The following CDH13 variants were observed in gnomAD, a reference collection of about 807,000 sequenced individuals.
The protein encoded by CDH13 is cadherin-13.
In CDH13, 24 loss-of-function variants were observed where a neutral mutation model predicts 63.8. The ratio of observed to expected loss-of-function variants is 0.38; its 90% CI spans 0.27 to 0.53. CDH13 has a LOEUF of 0.53. CDH13 is among the 20% of genes least tolerant of loss of function. The pLI, the probability that CDH13 is intolerant of heterozygous loss-of-function variation, is 0.85. For synonymous variants in CDH13, 503 were observed against 355.3 expected (o/e 1.42, Z -4.67); for missense variants, 1,049 against 903.1 (o/e 1.16, Z -2.07).
At chr16:82,923,429 C>T (rs2042216908) in intron 2 of CDH13, among the ~76,000 whole-genome samples, 1 of 152,158 alleles carries the variant, frequency 6.6e-6, no homozygotes, top group Non-Finnish European at 1.5e-5. Flanking sequence ...TAAAGCCAGA[C>T]AAGAACATTT....
chr16:83,573,799 C>G (rs145342765), intron 7 of CDH13, among the ~76,000 whole-genome samples: 197 of 152,290 alleles, frequency 1.3e-3, no homozygotes, highest in Non-Finnish European at 1.6e-3. Context: ...AGTTCTCTGT[C>G]AAATCACTAC....
At chr16:83,423,433 A>G (rs750584743) in intron 6 of CDH13, among the ~76,000 whole-genome samples, 8 of 152,162 alleles carry the variant, frequency 5.3e-5, no homozygotes, top group Non-Finnish European at 8.8e-5. Context: ...AGGAAATTCC[A>G]GGAATCCTTG....
At chr16:83,499,966 C>G (rs1206925423) in intron 7 of CDH13, among the ~76,000 whole-genome samples, 1 of 152,122 alleles carries the variant, frequency 6.6e-6, no homozygotes, top group Non-Finnish European at 1.5e-5. Flanking sequence ...CCACGCGCAG[C>G]TAATTTTTGT....
rs150464029 is a variant in CDH13 at position 83,078,877 on chromosome 16, C to T, written c.367-46508C>T. ...TGGCGAGATCTTGGCTCACTGCAAC[C>T]TCCGCCTCCCAGGTTCCAGCAATTC... is the stretch of plus-strand genomic sequence containing the variant. On this transcript the variant is annotated intron_variant, in intron 3 of 13. Transcript: ENST00000567109. Among the ~76,000 whole-genome samples, 718 of 152,284 alleles carry T rather than the reference C, an allele frequency of 4.7e-3. 3 individuals carry two copies. The highest frequency in any genetic ancestry group is 0.016 in the African/African-American group (658 of 41,554).
chr16:83,723,692 TA>T (rs1476498867), intron 10 of CDH13, among the ~76,000 whole-genome samples: 1 of 152,240 alleles, frequency 6.6e-6, no homozygotes, highest in Non-Finnish European at 1.5e-5. Context: ...TATTGTGTGT[TA>T]ACTATTTTTA....
intron 2 of CDH13, among the ~76,000 whole-genome samples, chr16:82,932,904 G>GT (rs2042544713): frequency 6.6e-6 from 1 of 152,192 alleles, no homozygotes; most frequent in Non-Finnish European, 1.5e-5. Context: ...AGAGAATGAA[G>GT]TTTACTAGTA....
chr16:83,374,099 G>A (rs1053334212), intron 6 of CDH13, among the ~76,000 whole-genome samples: 3 of 152,186 alleles, frequency 2.0e-5, no homozygotes, highest in African/African-American at 7.2e-5. Context: ...CGCAAAGAGT[G>A]CAAACTTTCT....
chr16:83,016,678 C>T (rs1301633482), intron 2 of CDH13, among the ~76,000 whole-genome samples: 1 of 152,048 alleles, frequency 6.6e-6, no homozygotes, highest in East Asian at 1.9e-4. Context: ...GTTCTTGAGC[C>T]CCTAAACACT....
At position 83,313,672 on chromosome 16, in the gene CDH13, GT is replaced by G. The variant is rs912779218; in HGVS notation, c.637-31189del. Among the ~76,000 whole-genome samples the G allele has an allele frequency of 9.1e-4, 137 of 149,728 alleles. 2 individuals are homozygous for G. Among genetic ancestry groups the G allele is most frequent in the African/African-American group, 3.0e-3 (124 of 40,750 alleles). On this transcript the variant is annotated intron_variant, in intron 5 of 13. Coordinates refer to ENST00000567109, the MANE Select transcript of CDH13 (RefSeq NM_001257.5). ...AAAAAAAAAAAAAAAAAAAAGGGAG[GT>G]CCTTGGTATTACCAATTTAAAATGT...
At chr16:82,673,680 G>A (rs553791063) in intron 1 of CDH13, among the ~76,000 whole-genome samples, 1 of 152,354 alleles carries the variant, frequency 6.6e-6, no homozygotes, top group East Asian at 1.9e-4. Context: ...AACCTATGTT[G>A]AGAAATCGAG....
intron 3 of CDH13, among the ~76,000 whole-genome samples, chr16:83,033,189 C>T (rs914967693): frequency 6.6e-6 from 1 of 152,144 alleles, no homozygotes; most frequent in African/African-American, 2.4e-5. Flanking sequence ...AGCTAACCTG[C>T]CCAACCTACT....
chr16:83,472,247 CTG>C lies in CDH13; in HGVS notation c.782-14228_782-14227del, dbSNP rs142704821. Among the ~76,000 whole-genome samples the C allele has an allele frequency of 1.8e-3, 281 of 152,344 alleles. 6 individuals carry two copies. In the East Asian group the frequency reaches 0.034, roughly 18 times the overall value. ...AGAGCTGGGACTGAAACTGGGGACT[CTG>C]TCTCCTGTGGGCATGCTGCTAACCC... On this transcript the variant is annotated intron_variant, in intron 6 of 13. Coordinates refer to ENST00000567109, the MANE Select transcript of CDH13 (RefSeq NM_001257.5).
At chr16:82,971,793 C>T (rs954206489) in intron 2 of CDH13, among the ~76,000 whole-genome samples, 5 of 152,194 alleles carry the variant, frequency 3.3e-5, no homozygotes, top group Admixed American at 6.5e-5. Context: ...CCTTAACTGC[C>T]TGTGCCCCTT....
chr16:83,033,849 C>A (rs1260107899), intron 3 of CDH13, among the ~76,000 whole-genome samples: 1 of 152,202 alleles, frequency 6.6e-6, no homozygotes, highest in African/African-American at 2.4e-5. Flanking sequence ...TGGCATGCCC[C>A]TGCTTGGCAT....
At chr16:83,278,547 C>G (rs1294067663) in intron 5 of CDH13, among the ~76,000 whole-genome samples, 1 of 152,154 alleles carries the variant, frequency 6.6e-6, no homozygotes, top group African/African-American at 2.4e-5. Flanking sequence ...CATCACTAAA[C>G]ACGGTAATGG....
intron 4 of CDH13, among the ~76,000 whole-genome samples, chr16:83,176,892 C>G (rs1284786810): frequency 6.6e-6 from 1 of 152,064 alleles, no homozygotes; most frequent in Non-Finnish European, 1.5e-5. Context: ...TCCCATCAGC[C>G]TGAGCCAGAG....
At chr16:82,843,061 GAT>G (rs2039100926) in intron 1 of CDH13, among the ~76,000 whole-genome samples, 1 of 152,160 alleles carries the variant, frequency 6.6e-6, no homozygotes, top group Non-Finnish European at 1.5e-5. Flanking sequence ...GCTGCAGATG[GAT>G]ACCCATCCAT....
intron 2 of CDH13, among the ~76,000 whole-genome samples, chr16:82,975,750 T>C (rs773689217): frequency 3.3e-5 from 5 of 152,202 alleles, no homozygotes; most frequent in Non-Finnish European, 7.3e-5. Flanking sequence ...TTGCAATCAG[T>C]TTCCACATAT....
At chr16:83,156,262 CTT>C (rs1002653981) in intron 4 of CDH13, among the ~76,000 whole-genome samples, 3 of 152,312 alleles carry the variant, frequency 2.0e-5, no homozygotes, top group Middle Eastern at 3.4e-3. Flanking sequence ...TTTCATCTCT[CTT>C]TGTTAAGGGC....
Sources: allele counts gnomAD v4.1 joint callset (sites outside exome capture counted in the v4.1 genomes callset), GRCh38; gene constraint gnomAD v4.1.1; transcripts MANE v1.5; gene names NCBI Gene and HGNC (gene_info 2026-07-23, HGNC 2026-07-21).